OSBP2: variants seen among roughly 807,000 people sequenced by gnomAD.
The protein encoded by OSBP2 is oxysterol binding protein 2, also known as oxysterol-binding protein 2.
In OSBP2, 66 loss-of-function variants were observed where a neutral mutation model predicts 96.0. The observed-to-expected ratio is 0.69, with a 90% CI of 0.56 to 0.84. The LOEUF is 0.84. Among genes scored for constraint, OSBP2 ranks in the 40% least tolerant of loss-of-function variants. The pLI is 0.00. For synonymous variants in OSBP2, 525 were observed against 520.9 expected (o/e 1.01, Z -0.11); for missense variants, 1,038 against 1,222.7 (o/e 0.85, Z 2.25).
intron 2 of OSBP2, among the ~76,000 whole-genome samples, chr22:30,843,191 A>G (rs1602344947): frequency 1.3e-5 from 2 of 152,158 alleles, no homozygotes; most frequent in East Asian, 3.8e-4. Context: ...CCTCAAAGTC[A>G]TCCTGGAGGG....
chr22:30,864,792 T>A lies in OSBP2; in HGVS notation c.854-5637T>A, dbSNP rs575559675. On this transcript the variant is annotated intron_variant, in intron 2 of 13. Transcript: ENST00000332585. ...GTGAGTGCCATCCTTCCACCCTGCT[T>A]CAGGGCTGCTCTCCTCTCCAGTGAC... Among the ~76,000 whole-genome samples, 10 of 152,246 alleles carry A rather than the reference T, an allele frequency of 6.6e-5. No individual in the cohort carries two copies. In the East Asian group the frequency reaches 1.9e-3, roughly 30 times the overall value.
intron 2 of OSBP2, among the ~76,000 whole-genome samples, chr22:30,797,766 A>G (rs2090785941): frequency 6.6e-6 from 1 of 151,346 alleles, no homozygotes; most frequent in African/African-American, 2.4e-5. Context: ...TAATCTTTGT[A>G]CTTTTCGTAG....
At chr22:30,756,577 C>T (rs1602221965) in intron 2 of OSBP2, among the ~76,000 whole-genome samples, 1 of 152,318 alleles carries the variant, frequency 6.6e-6, no homozygotes, top group East Asian at 1.9e-4. Flanking sequence ...CCTGTAGTCA[C>T]AGCTACTCAG....
At chr22:30,902,543 T>C in intron 12 of OSBP2, 5 of 1,315,362 alleles carry the variant, frequency 3.8e-6, no homozygotes, top group Non-Finnish European at 5.5e-6. Context: ...GGGGAGGTAG[T>C]CACCCAGGTG....
chr22:30,902,571 C>A, intron 12 of OSBP2: 1 of 957,012 alleles, frequency 1.0e-6, no homozygotes, highest in Non-Finnish European at 1.7e-6. Context: ...AACAGGCCCC[C>A]AACTGGGCAG....
At chr22:30,712,884 C>A (rs946398876) in intron 1 of OSBP2, among the ~76,000 whole-genome samples, 3 of 151,912 alleles carry the variant, frequency 2.0e-5, no homozygotes, top group Non-Finnish European at 4.4e-5. Flanking sequence ...AAGGAAGGAG[C>A]CCTGGTTTTT....
intron 2 of OSBP2, among the ~76,000 whole-genome samples, chr22:30,849,829 A>G (rs908684135): frequency 6.6e-6 from 1 of 152,082 alleles, no homozygotes; most frequent in Non-Finnish European, 1.5e-5. Flanking sequence ...TTTCTTCTAG[A>G]TGTTTTATAG....
rs1212058924 is a variant in OSBP2 at position 30,874,752 on chromosome 22, C to T, written c.1107+4070C>T. Among the ~76,000 whole-genome samples the T allele has an allele frequency of 2.0e-5, 3 of 152,266 alleles. No individual in the cohort carries two copies. The South Asian group carries it at 6.2e-4, about 31-fold the overall frequency. ...TGTGTTTCAACCCCCCACGCCTTTA[C>T]CAGTGCTGTACCTTCTAGAACACCC... is the stretch of plus-strand genomic sequence containing the variant. On this transcript the variant is annotated intron_variant, in intron 3 of 13. Coordinates refer to ENST00000332585, the MANE Select transcript of OSBP2 (RefSeq NM_030758.4).
intron 12 of OSBP2, among the ~76,000 whole-genome samples, chr22:30,895,806 C>T (rs1015707780): frequency 4.0e-5 from 6 of 151,686 alleles, no homozygotes; most frequent in African/African-American, 7.3e-5. Context: ...GGCATGGTGG[C>T]ACGCACCTGT....
chr22:30,901,691 C>T (rs1361243258), intron 12 of OSBP2, among the ~76,000 whole-genome samples: 1 of 151,904 alleles, frequency 6.6e-6, no homozygotes, highest in African/African-American at 2.4e-5. Flanking sequence ...CTGGTGAAAC[C>T]CTGTCTCTAC....
chr22:30,799,057 T>TTTCCTTCC (rs1159820708), intron 2 of OSBP2, among the ~76,000 whole-genome samples: 8,840 of 120,174 alleles, frequency 0.074, 424 homozygotes, highest in Middle Eastern at 0.13. Context: ...CATGCAAAGG[T>TTTCCTTCC]TTCCTTCCTT....
chr22:30,906,385 C>T lies in OSBP2; in HGVS notation c.*46C>T, dbSNP rs778392348. ...ACAGGCGCCTGCACAGCCTGGCCCA[C>T]CTGTTCATTAATGCACTCAATTTAG... On this transcript the variant is annotated 3_prime_UTR_variant, in exon 14 of 14. Coordinates refer to ENST00000332585, the MANE Select transcript of OSBP2 (RefSeq NM_030758.4). The T allele has an allele frequency of 8.4e-6, 13 of 1,542,892 alleles. No individual in the cohort carries two copies. In the African/African-American group the frequency reaches 1.5e-4, roughly 18 times the overall value.
chr22:30,873,049 G>A (rs2039492644), intron 3 of OSBP2, among the ~76,000 whole-genome samples: 1 of 152,154 alleles, frequency 6.6e-6, no homozygotes, highest in Non-Finnish European at 1.5e-5. Context: ...AACCTCCAGG[G>A]AGCCTATTCA....
At chr22:30,786,718 T>A (rs1043994437) in intron 2 of OSBP2, among the ~76,000 whole-genome samples, 1 of 1,328 alleles carries the variant, frequency 7.5e-4, no homozygotes, top group Admixed American at 7.7e-3. Context: ...GAGCAGAGGG[T>A]GGGGGTGGGG....
chr22:30,794,972 G>A lies in OSBP2; in HGVS notation c.853+53603G>A, dbSNP rs530388493. On this transcript the variant is annotated intron_variant, in intron 2 of 13. Transcript: ENST00000332585. ...GTCACCCAGGCTGGAGTGCAGTGGC[G>A]CAATCTCTGCTCACTGCAACCTCCA... is the stretch of plus-strand genomic sequence containing the variant. 1.1e-4 allele frequency among the ~76,000 whole-genome samples: 16 copies of A among 149,452 alleles called. No homozygotes were observed. The East Asian group carries it at 2.0e-3, about 19-fold the overall frequency.
intron 2 of OSBP2, among the ~76,000 whole-genome samples, chr22:30,864,706 T>A (rs1039453432): frequency 5.3e-5 from 8 of 152,072 alleles, no homozygotes; most frequent in African/African-American, 1.4e-4. Flanking sequence ...CAGGCCCATC[T>A]TAGCAGTACG....
At chr22:30,731,490 A>G (rs564020420) in intron 1 of OSBP2, 1 of 152,954 alleles carries the variant, frequency 6.5e-6, no homozygotes, top group Non-Finnish European at 1.5e-5. Context: ...GTGGCATTTC[A>G]TACAAGCCCA....
chr22:30,893,273 A>G, intron 9 of OSBP2, 31 bp downstream of exon 9: 1 of 1,613,826 alleles, frequency 6.2e-7, no homozygotes, highest in South Asian at 1.1e-5. Context: ...TTCCTGGGAC[A>G]CAGAGACATT....
At chr22:30,785,770 T>C (rs115297059) in intron 2 of OSBP2, among the ~76,000 whole-genome samples, 7,269 of 152,154 alleles carry the variant, frequency 0.048, 373 homozygotes, top group African/African-American at 0.13. Flanking sequence ...GTTCCAGTGA[T>C]AGTGAATGAG....
Sources: gnomAD v4.1 joint callset for allele counts (sites outside exome capture counted in the v4.1 genomes callset) on GRCh38, gnomAD v4.1.1 for gene constraint, MANE v1.5 for transcripts, NCBI Gene and HGNC (gene_info 2026-07-23, HGNC 2026-07-21) for gene names.